Variants in HIGD2B observed in about 807,000 individuals in gnomAD.
The protein encoded by HIGD2B is HIG1 hypoxia inducible domain family member 2B.
For synonymous variants in HIGD2B, 45 were observed against 28.1 expected, an observed-to-expected ratio of 1.60 and a Z score of -1.90; for missense variants, 106 against 67.0, an observed-to-expected ratio of 1.58 and a Z score of -2.03.
chr15:72,685,902 TGGC>T lies in HIGD2B; in HGVS notation c.-280_-278del. On this transcript the variant is annotated 5_prime_UTR_variant, in exon 1 of 3. Transcript: ENST00000311755. ...AGATTAGAGTCAGGGCAGGGTAAGG[TGGC>T]GGGAGAACTAGGCTGCCATCCCAGG... 2.0e-6 allele frequency: 1 copy of T among 499,332 alleles called. No individual in the cohort carries two copies. Among genetic ancestry groups the T allele is most frequent in the Non-Finnish European group, 3.7e-6 (1 of 272,880 alleles). 30.9% of individuals were successfully genotyped at this position (499,332 alleles called of 1,614,324 possible). A position where few individuals can be genotyped will look rare whatever the true frequency, so the allele number is the denominator to read the frequency against.
In HIGD2B at chr15:72,685,843, C is replaced by G. The variant is rs933412836; in HGVS notation, c.-218G>C. The G allele has an allele frequency of 2.3e-5, 8 of 344,792 alleles. No individual in the cohort carries two copies. The East Asian group carries it at 5.5e-4, about 24-fold the overall frequency. The allele number at this position is 344,792 out of a possible 1,614,324, so 21.4% of individuals were successfully genotyped here. ...CTAAGGCGAGAAAGAAATTCTCCGC[C>G]GAAATCTCCCGGAAGAAGGACTGAA... On this transcript the variant is annotated 5_prime_UTR_variant, in exon 1 of 3. Transcript: ENST00000311755.
chr15:72,682,899 G>A, intron 1 of HIGD2B: 1 of 223,680 alleles, frequency 4.5e-6, no homozygotes, highest in Non-Finnish European at 9.3e-6. Context: ...TGGAATTGAG[G>A]AGTAAATCCT....
intron 2 of HIGD2B, among the ~76,000 whole-genome samples, chr15:72,679,228 G>A (rs1009140388): frequency 6.6e-6 from 1 of 151,850 alleles, no homozygotes; most frequent in African/African-American, 2.4e-5. Flanking sequence ...AGCCGGGCAT[G>A]GTGGCACACT....
At position 72,684,655 on chromosome 15, in the gene HIGD2B, T is replaced by C. The variant is rs376346867; in HGVS notation, c.-193+1163A>G. Among the ~76,000 whole-genome samples, 38 of 152,216 alleles carry C rather than the reference T, an allele frequency of 2.5e-4. No homozygotes were observed. The East Asian group carries it at 6.8e-3, about 27-fold the overall frequency. On this transcript the variant is annotated intron_variant, in intron 1 of 2. Transcript: ENST00000311755. ...GGAGCCGGCCACCACGCCCGGATAA[T>C]TTTTTGTATTTTTAGTAGAGACAGG...
At chr15:72,683,504 C>A (rs1207147806) in intron 1 of HIGD2B, among the ~76,000 whole-genome samples, 5 of 150,340 alleles carry the variant, frequency 3.3e-5, no homozygotes, top group East Asian at 2.0e-4. Context: ...TGCGTAGTAA[C>A]CCCGCCCATG....
intron 1 of HIGD2B, among the ~76,000 whole-genome samples, chr15:72,684,390 G>A (rs941145165): frequency 2.0e-5 from 3 of 150,568 alleles, no homozygotes; most frequent in African/African-American, 7.3e-5. Flanking sequence ...TTGGCCTTAT[G>A]TTCCCTACCT....
Position 72,686,123 on chromosome 15 carries a change from C to T in HIGD2B, c.-498G>A, listed in dbSNP as rs541286126. On this transcript the variant is annotated 5_prime_UTR_variant, in exon 1 of 3. Coordinates refer to ENST00000311755, the MANE Select transcript of HIGD2B (RefSeq NM_001350932.3). The stretch of plus-strand genomic sequence containing the variant: ...CCTTAGGTCACTCGGCGATTTACTT[C>T]CTTCCCCCGCTTCCTCACAGTCCTC... The T allele has an allele frequency of 4.7e-5, 58 of 1,230,072 alleles. No individual in the cohort carries two copies. The African/African-American group carries it at 8.2e-4, about 17-fold the overall frequency. 76.2% of individuals were successfully genotyped at this position (1,230,072 alleles called of 1,614,324 possible).
chr15:72,685,958 G>T lies in HIGD2B; in HGVS notation c.-333C>A, dbSNP rs1595896198. On this transcript the variant is annotated 5_prime_UTR_variant, in exon 1 of 3. Transcript: ENST00000311755. ...GCTGGCCTACCAGCCAGCGCGGCCG[G>T]AGGTACAGACCATGTACAGACCACG... 5 of 562,172 alleles carry T rather than the reference G, an allele frequency of 8.9e-6. No homozygotes were observed. The East Asian group carries it at 1.5e-4, about 17-fold the overall frequency. The allele number at this position is 562,172 out of a possible 1,614,324, so 34.8% of individuals were successfully genotyped here.
At chr15:72,679,931 A>G (rs2064731013) in intron 2 of HIGD2B, 84 bp downstream of exon 2, 1 of 203,052 alleles carries the variant, frequency 4.9e-6, no homozygotes, top group African/African-American at 2.3e-5. Context: ...TCTGTTAAGC[A>G]AGTGAGGGGT....
chr15:72,685,595 C>T (rs550470491), intron 1 of HIGD2B, among the ~76,000 whole-genome samples: 1 of 152,224 alleles, frequency 6.6e-6, no homozygotes, highest in Non-Finnish European at 1.5e-5. Context: ...CTATTCAGAT[C>T]TATTTCACTG....
rs2064822592 is a variant in HIGD2B at position 72,686,015 on chromosome 15, G to C, written c.-390C>G. On this transcript the variant is annotated 5_prime_UTR_variant, in exon 1 of 3. Coordinates refer to ENST00000311755, the MANE Select transcript of HIGD2B (RefSeq NM_001350932.3). The stretch of plus-strand genomic sequence containing the variant: ...GGTGTTAGGGGCTTCTCGGGATAAA[G>C]GCAGCGAGTGGCTGCGCATTCCCTC... 3.1e-6 allele frequency: 2 copies of C among 641,238 alleles called. No homozygotes were observed. Among genetic ancestry groups the C allele is most frequent in the Non-Finnish European group, 5.5e-6 (2 of 360,530 alleles). 39.7% of individuals were successfully genotyped at this position (641,238 alleles called of 1,614,324 possible).
chr15:72,683,237 T>C (rs1176178273), intron 1 of HIGD2B, among the ~76,000 whole-genome samples: 1 of 152,236 alleles, frequency 6.6e-6, no homozygotes, highest in Middle Eastern at 3.2e-3. Flanking sequence ...AAAATTTTGT[T>C]CTGGATGTTG....
intron 1 of HIGD2B, among the ~76,000 whole-genome samples, 197 bp downstream of exon 1, chr15:72,685,621 C>G (rs149169590): frequency 6.6e-6 from 1 of 152,190 alleles, no homozygotes; most frequent in Admixed American, 6.5e-5. Flanking sequence ...CAGAAAACGC[C>G]GACTGTCGTC....
rs1263391274 is a variant in HIGD2B at position 72,678,502 on chromosome 15, A to G, written c.-14+1513T>C. 2.0e-5 allele frequency among the ~76,000 whole-genome samples: 3 copies of G among 151,850 alleles called. 1 individual carries two copies. The highest frequency in any genetic ancestry group is 7.3e-5 in the African/African-American group (3 of 41,360). Reference sequence around the variant, plus strand: ...AAGTTTGTAGAGATGGGGTCTGGATATATTGCCCATGCTGGTCTCAAACTC... The same window carrying G: ...AAGTTTGTAGAGATGGGGTCTGGATGTATTGCCCATGCTGGTCTCAAACTC... On this transcript the variant is annotated intron_variant, in intron 2 of 2. Coordinates refer to ENST00000311755, the MANE Select transcript of HIGD2B (RefSeq NM_001350932.3).
chr15:72,676,784 A>G (rs1486929734), intron 2 of HIGD2B, among the ~76,000 whole-genome samples: 2 of 152,166 alleles, frequency 1.3e-5, no homozygotes. Context: ...TGGAGAATAG[A>G]TTAGTGGCTG....
At chr15:72,685,724 A>C (rs1033411170) in intron 1 of HIGD2B, 94 bp downstream of exon 1, 3 of 190,732 alleles carry the variant, frequency 1.6e-5, no homozygotes, top group Admixed American at 5.3e-5. Context: ...CACCAGGAGC[A>C]TGTTTGCAAA....
At position 72,676,097 on chromosome 15, in the gene HIGD2B, A is replaced by G. The variant is rs76177858; in HGVS notation, c.278T>C (p.Ile93Thr). The change falls in exon 3 of 3, where the codon ATC becomes ACC. Residue 93 changes from isoleucine (I) to threonine (T), a missense_variant. Physicochemically the swap from Ile to Thr is moderately conservative, Grantham distance 89. Transcript: ENST00000311755. ...AGCGGTGGCAGCTAGACCCAGCAAG[A>G]TGGCTGCAATGGTGAAGCCCTGGGC... ...IAAQGFTIAA[I>T]LLGLAATAMK... The G allele has an allele frequency of 1.1e-3, 812 of 765,144 alleles. 2 individuals are homozygous for G. The highest frequency in any genetic ancestry group is 1.2e-3 in the East Asian group (48 of 41,108). 47.4% of individuals were successfully genotyped at this position (765,144 alleles called of 1,614,324 possible).
intron 1 of HIGD2B, among the ~76,000 whole-genome samples, chr15:72,685,595 C>A (rs550470491): frequency 7.0e-4 from 107 of 152,342 alleles, no homozygotes; most frequent in African/African-American, 2.5e-3. Context: ...CTATTCAGAT[C>A]TATTTCACTG....
chr15:72,681,372 C>T (rs2064747878), intron 1 of HIGD2B, among the ~76,000 whole-genome samples: 2 of 152,170 alleles, frequency 1.3e-5, no homozygotes, highest in South Asian at 4.1e-4. Context: ...TGGAGGTGGC[C>T]ACATCTCCCT....
Sources: allele counts gnomAD v4.1 joint callset (sites outside exome capture counted in the v4.1 genomes callset), GRCh38; gene constraint gnomAD v4.1.1; transcripts MANE v1.5; gene names NCBI Gene and HGNC (gene_info 2026-07-23, HGNC 2026-07-21).